PID1: variants seen among roughly 807,000 people sequenced by gnomAD.
The protein encoded by PID1 is PTB-containing, cubilin and LRP1-interacting protein.
A neutral mutation model predicts 19.1 loss-of-function variants in PID1; 10 were observed. That is an observed-to-expected ratio of 0.52 (90% confidence interval 0.32 to 0.89). PID1 has a LOEUF of 0.89. Ranked by LOEUF, PID1 falls within the 40% of genes least tolerant of loss-of-function variation. The probability of loss-of-function intolerance (pLI) is 0.03; values close to 1 mark genes in which losing one functional copy is unlikely to be tolerated. For missense variants in PID1, 248 were observed against 285.3 expected (o/e 0.87, Z 0.94); for synonymous variants, 130 against 116.0 (o/e 1.12, Z -0.78).
intron 1 of PID1, among the ~76,000 whole-genome samples, chr2:229,252,606 G>A (rs918720907): frequency 2.6e-5 from 4 of 152,144 alleles, no homozygotes; most frequent in Non-Finnish European, 5.9e-5. Context: ...GTAGAGAGGA[G>A]ACATAAATTA....
chr2:229,113,911 T>C (rs1332998865), intron 2 of PID1, among the ~76,000 whole-genome samples: 1 of 152,092 alleles, frequency 6.6e-6, no homozygotes, highest in African/African-American at 2.4e-5. Flanking sequence ...TGAGCGAAAT[T>C]TCTACTTAAA....
chr2:229,190,623 G>A (rs576342340), intron 1 of PID1, among the ~76,000 whole-genome samples: 1 of 152,366 alleles, frequency 6.6e-6, no homozygotes, highest in East Asian at 1.9e-4. Context: ...CTGAGAATCT[G>A]TTTTATCGGT....
At chr2:229,085,651 T>C (rs771297628) in intron 2 of PID1, among the ~76,000 whole-genome samples, 2 of 152,070 alleles carry the variant, frequency 1.3e-5, no homozygotes, top group Admixed American at 6.5e-5. Flanking sequence ...ATACTTGTGA[T>C]ACCTGACAAC....
intron 1 of PID1, among the ~76,000 whole-genome samples, chr2:229,166,384 A>G (rs901952027): frequency 9.2e-5 from 14 of 152,206 alleles, no homozygotes; most frequent in African/African-American, 3.4e-4. Flanking sequence ...CAAATATCCA[A>G]ACCTACCAAC....
At chr2:229,241,070 CA>C (rs1429136361) in intron 1 of PID1, among the ~76,000 whole-genome samples, 1 of 152,060 alleles carries the variant, frequency 6.6e-6, no homozygotes, top group African/African-American at 2.4e-5. Context: ...GTAAACTTTT[CA>C]TTACTCATTT....
At chr2:229,178,663 AAATAT>A (rs1690876410) in intron 1 of PID1, among the ~76,000 whole-genome samples, 1 of 152,186 alleles carries the variant, frequency 6.6e-6, no homozygotes, top group Non-Finnish European at 1.5e-5. Context: ...ATATCCAATT[AAATAT>A]ATTTTATTAT....
Position 229,215,487 on chromosome 2 carries a change from G to A in PID1, c.30+55527C>T, listed in dbSNP as rs1484951081. Among the ~76,000 whole-genome samples, 4 of 152,282 alleles carry A rather than the reference G, an allele frequency of 2.6e-5. No homozygotes were observed. The East Asian group carries it at 7.7e-4, about 29-fold the overall frequency. On this transcript the variant is annotated intron_variant, in intron 1 of 2. Coordinates refer to ENST00000392055, the MANE Select transcript of PID1 (RefSeq NM_001100818.2). ...GTAGTTCTGCCTGAAAGTTTTAAAT[G>A]CTTACTTAAAATACACTAGGTTGCA...
chr2:229,059,790 T>C (rs908305396), intron 2 of PID1, among the ~76,000 whole-genome samples: 1 of 152,132 alleles, frequency 6.6e-6, no homozygotes, highest in African/African-American at 2.4e-5. Context: ...CCCCCAAAAG[T>C]GAACATTCTT....
chr2:229,252,617 G>C (rs1349615076), intron 1 of PID1, among the ~76,000 whole-genome samples: 1 of 152,156 alleles, frequency 6.6e-6, no homozygotes, highest in Non-Finnish European at 1.5e-5. Flanking sequence ...ACATAAATTA[G>C]TAGGTTTTTT....
intron 1 of PID1, among the ~76,000 whole-genome samples, chr2:229,156,204 T>TC (rs1690370510): frequency 1.3e-5 from 2 of 152,172 alleles, no homozygotes; most frequent in African/African-American, 4.8e-5. Context: ...AGTGGTAAAG[T>TC]CACCTCACCC....
At chr2:229,246,270 T>C (rs1344330339) in intron 1 of PID1, among the ~76,000 whole-genome samples, 2 of 152,208 alleles carry the variant, frequency 1.3e-5, no homozygotes, top group East Asian at 3.8e-4. Flanking sequence ...GCGGAGCTGC[T>C]GGCATTCAGG....
intron 1 of PID1, among the ~76,000 whole-genome samples, chr2:229,170,867 G>C (rs961494302): frequency 1.3e-5 from 2 of 152,140 alleles, no homozygotes; most frequent in Non-Finnish European, 2.9e-5. Context: ...AATAAATGAG[G>C]ACACAGAGCA....
At chr2:229,185,580 G>T (rs1691111607) in intron 1 of PID1, among the ~76,000 whole-genome samples, 1 of 152,154 alleles carries the variant, frequency 6.6e-6, no homozygotes, top group Non-Finnish European at 1.5e-5. Context: ...TTACATGAAT[G>T]GCAGCAGGCA....
At chr2:229,112,777 G>T (rs889749380) in intron 2 of PID1, among the ~76,000 whole-genome samples, 7 of 152,140 alleles carry the variant, frequency 4.6e-5, no homozygotes, top group Admixed American at 2.6e-4. Flanking sequence ...GAGACACCAT[G>T]CCTGGCCTCT....
At chr2:229,203,298 T>C (rs979527918) in intron 1 of PID1, among the ~76,000 whole-genome samples, 9 of 152,032 alleles carry the variant, frequency 5.9e-5, no homozygotes, top group Admixed American at 4.6e-4. Flanking sequence ...ACAAAGGGGA[T>C]GGGGGAAGGA....
chr2:229,198,328 A>G (rs1457995051), intron 1 of PID1, among the ~76,000 whole-genome samples: 1 of 152,072 alleles, frequency 6.6e-6, no homozygotes, highest in Non-Finnish European at 1.5e-5. Context: ...TACCCTCAGA[A>G]GCAGTTGATA....
intron 2 of PID1, among the ~76,000 whole-genome samples, chr2:229,099,128 T>C (rs999024153): frequency 6.6e-6 from 1 of 152,148 alleles, no homozygotes; most frequent in Non-Finnish European, 1.5e-5. Flanking sequence ...CTGACAGGAT[T>C]TTTCAAAGAC....
Position 229,271,250 on chromosome 2 carries a change from G to C in PID1, c.-207C>G, listed in dbSNP as rs1690731765. On this transcript the variant is annotated 5_prime_UTR_variant, in exon 1 of 3. Coordinates refer to ENST00000392055, the MANE Select transcript of PID1 (RefSeq NM_001100818.2). Reference sequence around the variant, plus strand: ...CTGCCGGCAACTTGTGGGCACGGCCGCGCGCCGGCTGTCCTGGCGCAGCTG... The same window carrying C: ...CTGCCGGCAACTTGTGGGCACGGCCCCGCGCCGGCTGTCCTGGCGCAGCTG... 6.7e-6 allele frequency: 3 copies of C among 450,434 alleles called. No homozygotes were observed. Among genetic ancestry groups the C allele is most frequent in the Middle Eastern group, 5.9e-4 (1 of 1,688 alleles). 27.9% of individuals were successfully genotyped at this position (450,434 alleles called of 1,614,324 possible).
chr2:229,229,448 C>A (rs1207166744), intron 1 of PID1, among the ~76,000 whole-genome samples: 1 of 148,536 alleles, frequency 6.7e-6, no homozygotes, highest in South Asian at 2.1e-4. Flanking sequence ...GCCTGGGCAA[C>A]AAGACGAAAC....
Sources: allele counts gnomAD v4.1 joint callset (sites outside exome capture counted in the v4.1 genomes callset), GRCh38; gene constraint gnomAD v4.1.1; transcripts MANE v1.5; gene names NCBI Gene and HGNC (gene_info 2026-07-23, HGNC 2026-07-21).